LRP1: variants seen among roughly 807,000 people sequenced by gnomAD.
LRP1 encodes prolow-density lipoprotein receptor-related protein 1.
Under a neutral mutation model 541.5 loss-of-function variants are expected in LRP1, and 51 were observed. That is an observed-to-expected ratio of 0.09 (90% confidence interval 0.08 to 0.12). The LOEUF (loss-of-function observed/expected upper bound fraction) is 0.12. LRP1 is among the 10% of genes least tolerant of loss of function. The probability of loss-of-function intolerance (pLI) is 1.00; values close to 1 mark genes in which losing one functional copy is unlikely to be tolerated. For synonymous variants in LRP1, 2,219 were observed against 2,470.8 expected (o/e 0.90, Z 3.02); for missense variants, 3,878 against 6,376.2 (o/e 0.61, Z 13.34).
At position 57,189,811 on chromosome 12, in the gene LRP1, C is replaced by T. The variant is rs916691077; in HGVS notation, c.7032-994C>T. On this transcript the variant is annotated intron_variant, in intron 42 of 88. Coordinates refer to ENST00000243077, the MANE Select transcript of LRP1 (RefSeq NM_002332.3). This position sits in a 1 kb window ranked among gnomAD's most constrained non-coding sequence, Gnocchi z 4.4. ...CTCAGACTCCACTGTGCCTAAGGAT[C>T]GCCTAGGAGCAAGAGAATGTGGAGT... 5.3e-5 allele frequency among the ~76,000 whole-genome samples: 8 copies of T among 152,036 alleles called. No homozygotes were observed. Among genetic ancestry groups the T allele is most frequent in the East Asian group, 1.9e-4 (1 of 5,184 alleles).
intron 1 of LRP1, among the ~76,000 whole-genome samples, chr12:57,130,462 G>A (rs1357061627): frequency 6.6e-6 from 1 of 151,150 alleles, no homozygotes; most frequent in Non-Finnish European, 1.5e-5. Context: ...AGGAGGAGAG[G>A]GGCTTTTCCT....
chr12:57,210,550 CTCAGGCAAATGCCCAG>C, intron 82 of LRP1, 70 bp downstream of exon 82: 1 of 1,475,034 alleles, frequency 6.8e-7, no homozygotes, highest in Admixed American at 2.2e-5. Flanking sequence ...ACCACCCCAC[CTCAGGCAAATGCCCAG>C]CCCCTGCCTC....
At chr12:57,166,055 C>G in intron 16 of LRP1, 29 bp from the exon 17 acceptor site, 1 of 1,613,762 alleles carries the variant, frequency 6.2e-7, no homozygotes, top group South Asian at 1.1e-5. Context: ...CCCAACTTCT[C>G]GCTGACCCCT....
intron 11 of LRP1, among the ~76,000 whole-genome samples, chr12:57,159,560 C>T (rs996902929): frequency 6.6e-6 from 1 of 152,208 alleles, no homozygotes; most frequent in Non-Finnish European, 1.5e-5. Flanking sequence ...CACACGAGAG[C>T]CCACATCAGC....
At chr12:57,133,967 C>G (rs2035096804) in intron 1 of LRP1, among the ~76,000 whole-genome samples, 1 of 152,194 alleles carries the variant, frequency 6.6e-6, no homozygotes, top group Non-Finnish European at 1.5e-5. Context: ...TCTCACCCCA[C>G]TTCCCCACCC....
chr12:57,179,143 T>C lies in LRP1; in HGVS notation c.4738+122T>C. 1.4e-6 allele frequency: 2 copies of C among 1,392,772 alleles called. No individual in the cohort carries two copies. Among genetic ancestry groups the C allele is most frequent in the South Asian group, 2.8e-5 (2 of 72,610 alleles). The allele number at this position is 1,392,772 out of a possible 1,614,324, so 86.3% of individuals were successfully genotyped here. On this transcript the variant is annotated intron_variant, in intron 28 of 88. Coordinates refer to ENST00000243077, the MANE Select transcript of LRP1 (RefSeq NM_002332.3). The surrounding 1 kb of genome is among the most constrained non-coding windows in gnomAD (Gnocchi z 6.8). ...TCGGGAGGGTCCCGATAGGAGAGGC[T>C]CCAGAGACAGCCACTGTGAGAAGGG...
At position 57,206,877 on chromosome 12, in the gene LRP1, C is replaced by A; in HGVS notation, c.11859+136C>A. 2 of 961,340 alleles carry A rather than the reference C, an allele frequency of 2.1e-6. No homozygotes were observed. Among genetic ancestry groups the A allele is most frequent in the Non-Finnish European group, 3.1e-6 (2 of 651,008 alleles). 59.6% of individuals were successfully genotyped at this position (961,340 alleles called of 1,614,324 possible). A position where few individuals can be genotyped will look rare whatever the true frequency, so the allele number is the denominator to read the frequency against. On this transcript the variant is annotated intron_variant, in intron 76 of 88. Transcript: ENST00000243077. This position sits in a 1 kb window ranked among gnomAD's most constrained non-coding sequence, Gnocchi z 4.7. ...ATCCCAGCACTTTGGGAGGCCAAGG[C>A]GGGCAGATCACCTGAGATCAGGAGT...
chr12:57,173,838 G>A lies in LRP1; in HGVS notation c.3405G>A (p.Ser1135=), dbSNP rs760797437. 7.4e-6 allele frequency: 12 copies of A among 1,614,092 alleles called. No homozygotes were observed. The highest frequency in any genetic ancestry group is 4.0e-5 in the African/African-American group (3 of 74,930). ...CDGDNDCEDN[S]DEENCESLAC... Reference sequence around the variant, plus strand: ...GCGACAATGACTGTGAGGATAACTCGGACGAGGAGAACTGCGAGTCCCTGG... The same window carrying A: ...GCGACAATGACTGTGAGGATAACTCAGACGAGGAGAACTGCGAGTCCCTGG... The change falls in exon 22 of 89, where the codon TCG becomes TCA. Residue 1135 remains serine, a synonymous_variant. Transcript: ENST00000243077. This position sits in a 1 kb window ranked among gnomAD's most constrained non-coding sequence, Gnocchi z 4.7.
In LRP1 at chr12:57,195,394, G is replaced by A. The variant is rs767716437; in HGVS notation, c.8432G>A (p.Gly2811Asp). The change falls in exon 52 of 89, where the codon GGT becomes GAT. Residue 2811 changes from glycine (G) to aspartate (D), a missense_variant. This residue lies in a region of LRP1 where 1,100 missense variants were observed against 1,827.4 expected (regional missense o/e 0.60). Coordinates refer to ENST00000243077, the MANE Select transcript of LRP1 (RefSeq NM_002332.3). ...ADGADESIAA[G>D]CLYNSTCDDR... ...GGTGCAGACGAGAGCATCGCAGCTG[G>A]TTGCTGTGAGTGGCGGGGCCACGTG... 2 of 1,605,898 alleles carry A rather than the reference G, an allele frequency of 1.2e-6. No individual in the cohort carries two copies. The highest frequency in any genetic ancestry group is 8.5e-7 in the Non-Finnish European group (1 of 1,179,300).
At chr12:57,151,790 T>A (rs551132711) in intron 6 of LRP1, among the ~76,000 whole-genome samples, 1 of 152,062 alleles carries the variant, frequency 6.6e-6, no homozygotes, top group Non-Finnish European at 1.5e-5. Context: ...TGTGCGTGCA[T>A]TTGTGTGTGC....
intron 1 of LRP1, among the ~76,000 whole-genome samples, chr12:57,132,383 C>T (rs2035055192): frequency 6.6e-6 from 1 of 152,162 alleles, no homozygotes; most frequent in South Asian, 2.1e-4. Context: ...CCATTTTCCT[C>T]CCTCCTTTCT....
Position 57,156,252 on chromosome 12 carries a change from C to T in LRP1, c.1386C>T (p.Leu462=), listed in dbSNP as rs778203269. The change falls in exon 9 of 89, where the codon CTC becomes CTT. Residue 462 remains leucine, a synonymous_variant. Coordinates refer to ENST00000243077, the MANE Select transcript of LRP1 (RefSeq NM_002332.3). The surrounding 1 kb of genome is among the most constrained non-coding windows in gnomAD (Gnocchi z 5.2). The part of the protein sequence containing the change: ...VVTRVDKGGA[L]HIYHQRRQPR... ...CCCGGGTGGACAAGGGTGGTGCCCT[C>T]CACATCTACCACCAGAGGCGTCAGC... is the stretch of plus-strand genomic sequence containing the variant. The T allele has an allele frequency of 6.2e-7, 1 of 1,614,174 alleles. No individual in the cohort carries two copies. The highest frequency in any genetic ancestry group is 8.5e-7 in the Non-Finnish European group (1 of 1,180,040).
chr12:57,208,956 T>C, intron 78 of LRP1, 127 bp from the exon 79 acceptor site: 1 of 1,070,328 alleles, frequency 9.3e-7, no homozygotes, highest in Admixed American at 1.8e-5. Flanking sequence ...TGGAGGCTTT[T>C]CCCGAAAGAG....
At position 57,205,458 on chromosome 12, in the gene LRP1, A is replaced by C. The variant is rs773587366; in HGVS notation, c.11443A>C (p.Thr3815Pro). 2 of 1,611,054 alleles carry C rather than the reference A, an allele frequency of 1.2e-6. No individual in the cohort carries two copies. Among genetic ancestry groups the C allele is most frequent in the Non-Finnish European group, 1.7e-6 (2 of 1,178,696 alleles). Residue 3815 changes from threonine to proline, a missense_variant, in exon 74 of 89, where the codon ACC (threonine) becomes CCC (proline). Thr to Pro is a conservative substitution (Grantham distance 38). Coordinates refer to ENST00000243077, the MANE Select transcript of LRP1 (RefSeq NM_002332.3). The surrounding 1 kb of genome is among the most constrained non-coding windows in gnomAD (Gnocchi z 4.6). ...AYCACRSGFH[T>P]VPGQPGCQDI... ...CTGTGCCTGCCGCTCGGGCTTCCAC[A>C]CCGTGCCCGGCCAGCCCGGATGCCA...
At position 57,143,682 on chromosome 12, in the gene LRP1, T is replaced by C; in HGVS notation, c.332T>C (p.Leu111Pro). ...TGTCTCTCCTGCCCCCACACAGAGC[T>C]CCAAGGCAACTGCTCTCGCCTGGGC... ...GSDEGPHCRE[L>P]QGNCSRLGCQ... Residue 111 changes from leucine to proline, a missense_variant, in exon 4 of 89, where the codon CTC becomes CCC. Physicochemically the swap from Leu to Pro is moderately conservative, Grantham distance 98. Around this residue, in one of 13 missense-constraint regions of LRP1, gnomAD observed 293 missense variants for 403.7 expected, o/e 0.73. Transcript: ENST00000243077. 1.2e-6 allele frequency: 2 copies of C among 1,613,378 alleles called. No individual in the cohort carries two copies. Among genetic ancestry groups the C allele is most frequent in the Non-Finnish European group, 1.7e-6 (2 of 1,179,480 alleles).
In LRP1 at chr12:57,177,764, C is replaced by T. The variant is rs1175563509; in HGVS notation, c.4361+173C>T. On this transcript the variant is annotated intron_variant, in intron 26 of 88. Coordinates refer to ENST00000243077, the MANE Select transcript of LRP1 (RefSeq NM_002332.3). The surrounding 1 kb of genome is among the most constrained non-coding windows in gnomAD (Gnocchi z 6.8). ...CGGAGGGGCGTGGGGAGGCCAGGGC[C>T]GAGGGGAGGGGGCAGGTAGAGGAGG... Among the ~76,000 whole-genome samples the T allele has an allele frequency of 2.0e-5, 3 of 151,452 alleles. No homozygotes were observed. The highest frequency in any genetic ancestry group is 7.3e-5 in the African/African-American group (3 of 41,144).
chr12:57,190,570 A>G (rs1343429863), intron 42 of LRP1, among the ~76,000 whole-genome samples: 1 of 152,220 alleles, frequency 6.6e-6, no homozygotes, highest in East Asian at 1.9e-4. Flanking sequence ...AGATACTGCA[A>G]TGTGAATATC....
In LRP1 at chr12:57,210,771, C is replaced by A; in HGVS notation, c.12808C>A (p.Gln4270Lys). The A allele has an allele frequency of 6.2e-7, 1 of 1,612,954 alleles. No individual in the cohort carries two copies. Among genetic ancestry groups the A allele is most frequent in the East Asian group, 2.2e-5 (1 of 44,850 alleles). Reference protein sequence around the residue: ...TGFTGPKCTQQVCAGYCANNS... With the variant: ...TGFTGPKCTQKVCAGYCANNS... ...CTTCACGGGCCCCAAATGCACCCAGCAGGTGTGTGCGGGCTACTGTGCCAA... is the reference window on the plus strand; with the variant it reads ...CTTCACGGGCCCCAAATGCACCCAGAAGGTGTGTGCGGGCTACTGTGCCAA... Residue 4270 changes from glutamine to lysine, a missense_variant, in exon 83 of 89, where the codon CAG (glutamine) becomes AAG (lysine). By Grantham distance (53) the Gln-to-Lys change is moderately conservative. Transcript: ENST00000243077.
At position 57,191,000 on chromosome 12, in the gene LRP1, C is replaced by G; in HGVS notation, c.7227C>G (p.Ser2409=). 1 of 1,610,576 alleles carries G rather than the reference C, an allele frequency of 6.2e-7. No individual in the cohort carries two copies. The highest frequency in any genetic ancestry group is 8.5e-7 in the Non-Finnish European group (1 of 1,179,820). The part of the protein sequence containing the change: ...DKIERCEYDG[S]HRYVILKSEP... ...TCGAGCGGTGCGAGTATGACGGCTC[C>G]CACCGCTATGTGAGTCTGCGGGGTG... Residue 2409 remains serine (S), a synonymous_variant, in exon 43 of 89, where the codon TCC becomes TCG. Transcript: ENST00000243077.
Sources: allele counts gnomAD v4.1 joint callset (sites outside exome capture counted in the v4.1 genomes callset), GRCh38; gene constraint gnomAD v4.1.1; regional missense constraint gnomAD v4.1.1; non-coding constraint Gnocchi (gnomAD v3.1); transcripts MANE v1.5; gene names NCBI Gene and HGNC (gene_info 2026-07-23, HGNC 2026-07-21).